The following PPP3CC variants were observed in gnomAD, a reference collection of about 807,000 sequenced individuals.
The protein encoded by PPP3CC is protein phosphatase 3 catalytic subunit gamma.
PPP3CC carries 35 observed loss-of-function variants against 60.3 expected under a neutral mutation model. The ratio of observed to expected loss-of-function variants is 0.58; its 90% CI spans 0.44 to 0.77. The LOEUF (loss-of-function observed/expected upper bound fraction) is 0.77, where lower values mean the gene tolerates loss of function less well. Among genes scored for constraint, PPP3CC ranks in the 30% least tolerant of loss-of-function variants. PPP3CC has a pLI of 0.00. For synonymous variants in PPP3CC, 206 were observed against 224.3 expected (o/e 0.92, Z 0.73); for missense variants, 570 against 628.9 (o/e 0.91, Z 1.00).
intron 9 of PPP3CC, 68 bp from the exon 10 acceptor site, chr8:22,528,438 T>A: frequency 1.9e-6 from 2 of 1,033,710 alleles, no homozygotes; most frequent in Non-Finnish European, 2.8e-6. Context: ...TTTATTTAGA[T>A]ATCCACATTA....
At chr8:22,467,164 A>G (rs1276279939) in intron 1 of PPP3CC, among the ~76,000 whole-genome samples, 1 of 152,190 alleles carries the variant, frequency 6.6e-6, no homozygotes, top group Non-Finnish European at 1.5e-5. Context: ...ATTATGATCT[A>G]AGTAAATTAT....
intron 1 of PPP3CC, among the ~76,000 whole-genome samples, chr8:22,469,237 C>G (rs1035334679): frequency 3.3e-5 from 5 of 151,866 alleles, no homozygotes; most frequent in African/African-American, 1.2e-4. Context: ...AAGCTAGGCA[C>G]AAAAAGACAA....
intron 3 of PPP3CC, among the ~76,000 whole-genome samples, chr8:22,482,640 G>A (rs1838103800): frequency 6.6e-6 from 1 of 152,058 alleles, no homozygotes; most frequent in African/African-American, 2.4e-5. Context: ...GCATATAAAA[G>A]TTTTGTTTTT....
At chr8:22,463,170 A>T (rs999135778) in intron 1 of PPP3CC, among the ~76,000 whole-genome samples, 1 of 152,200 alleles carries the variant, frequency 6.6e-6, no homozygotes, top group African/African-American at 2.4e-5. Flanking sequence ...GGACAAAATC[A>T]TGCAAGTCTG....
Position 22,492,920 on chromosome 8 carries a change from C to T in PPP3CC, c.373-5081C>T, listed in dbSNP as rs1245172585. On this transcript the variant is annotated intron_variant, in intron 3 of 13. Coordinates refer to ENST00000240139, the MANE Select transcript of PPP3CC (RefSeq NM_005605.5). ...AGCTGATGGAAATGCTACCCAGCAT[C>T]TTAAACCAGCTTGGTGCACACTGTC... 9 of 1,227,096 alleles carry T rather than the reference C, an allele frequency of 7.3e-6. No homozygotes were observed. The Admixed American group carries it at 1.5e-4, about 21-fold the overall frequency. The allele number at this position is 1,227,096 out of a possible 1,614,324, so 76.0% of individuals were successfully genotyped here.
At chr8:22,486,255 A>T (rs1838221174) in intron 3 of PPP3CC, among the ~76,000 whole-genome samples, 1 of 152,068 alleles carries the variant, frequency 6.6e-6, no homozygotes, top group Non-Finnish European at 1.5e-5. Context: ...TATTTTATTC[A>T]GATAGATGGG....
intron 12 of PPP3CC, among the ~76,000 whole-genome samples, chr8:22,537,175 A>G (rs978057493): frequency 1.3e-5 from 2 of 152,248 alleles, no homozygotes; most frequent in African/African-American, 4.8e-5. Flanking sequence ...TTCAAATCAT[A>G]TATCTCCTAA....
At chr8:22,516,291 A>G (rs920181405) in intron 6 of PPP3CC, among the ~76,000 whole-genome samples, 16 of 152,330 alleles carry the variant, frequency 1.1e-4, no homozygotes, top group African/African-American at 3.4e-4. Flanking sequence ...ATGTGATGAA[A>G]TCATTTAACT....
intron 6 of PPP3CC, among the ~76,000 whole-genome samples, chr8:22,514,236 A>G (rs1298312582): frequency 7.2e-6 from 1 of 138,456 alleles, no homozygotes; most frequent in Non-Finnish European, 1.5e-5. Flanking sequence ...CAACAGAGCA[A>G]GACTCTGTCT....
intron 4 of PPP3CC, among the ~76,000 whole-genome samples, chr8:22,503,145 G>C (rs1252867760): frequency 6.6e-6 from 1 of 152,128 alleles, no homozygotes; most frequent in Non-Finnish European, 1.5e-5. Flanking sequence ...CATTTGAAAA[G>C]CTTTGTAAGC....
chr8:22,514,248 CAAAAAAAA>C (rs66505760), intron 6 of PPP3CC, among the ~76,000 whole-genome samples: 3 of 89,488 alleles, frequency 3.4e-5, no homozygotes, highest in African/African-American at 4.4e-5. Context: ...ACTCTGTCTC[CAAAAAAAA>C]AAAAAAAAAA....
chr8:22,513,884 T>A (rs368930361), intron 6 of PPP3CC, among the ~76,000 whole-genome samples: 1 of 152,312 alleles, frequency 6.6e-6, no homozygotes, highest in East Asian at 1.9e-4. Context: ...CTAAGCCCAG[T>A]ACATTTCCTG....
At chr8:22,445,844 C>T (rs913333903) in intron 1 of PPP3CC, among the ~76,000 whole-genome samples, 2 of 152,198 alleles carry the variant, frequency 1.3e-5, no homozygotes, top group African/African-American at 4.8e-5. Context: ...GATTAACAAG[C>T]TGCCAAACTT....
At chr8:22,516,278 C>T (rs974343002) in intron 6 of PPP3CC, among the ~76,000 whole-genome samples, 5 of 152,148 alleles carry the variant, frequency 3.3e-5, no homozygotes, top group Admixed American at 3.3e-4. Context: ...TTTCCAGTGA[C>T]TAATGTGATG....
chr8:22,503,390 C>G (rs943714691), intron 4 of PPP3CC, among the ~76,000 whole-genome samples: 1 of 152,078 alleles, frequency 6.6e-6, no homozygotes, highest in African/African-American at 2.4e-5. Context: ...ATGTAATACT[C>G]GATAAAAGCT....
chr8:22,506,899 G>A (rs1049283009), intron 4 of PPP3CC, among the ~76,000 whole-genome samples: 8 of 151,642 alleles, frequency 5.3e-5, no homozygotes, highest in East Asian at 3.9e-4. Context: ...CCGAGATTGC[G>A]CCACTGCACT....
In PPP3CC at chr8:22,540,731, A is replaced by G. The variant is rs148030191; in HGVS notation, c.1468A>G (p.Met490Val). The G allele has an allele frequency of 5.2e-5, 84 of 1,614,156 alleles. No individual in the cohort carries two copies. The highest frequency in any genetic ancestry group is 1.7e-4 in the Middle Eastern group (1 of 6,060). ...RKDSIHAGGP[M>V]KSVTSAHSHA... ...GGATAGCATACACGCTGGTGGGCCAATGAAATCTGTAACCTCAGCACACTC... is the reference window on the plus strand; with the variant it reads ...GGATAGCATACACGCTGGTGGGCCAGTGAAATCTGTAACCTCAGCACACTC... The change falls in exon 14 of 14, where the codon ATG becomes GTG. Residue 490 changes from methionine (M) to valine (V), a missense_variant. Transcript: ENST00000240139.
At chr8:22,531,468 T>G (rs1839714498) in intron 10 of PPP3CC, 1 of 855,182 alleles carries the variant, frequency 1.2e-6, no homozygotes, top group Non-Finnish European at 1.8e-6. Context: ...ATATGTTTTC[T>G]CTGGACCTGT....
chr8:22,531,882 G>C lies in PPP3CC; in HGVS notation c.1142-343G>C, dbSNP rs28410449. Among the ~76,000 whole-genome samples, 903 of 152,334 alleles carry C rather than the reference G, an allele frequency of 5.9e-3. 11 individuals carry two copies. The highest frequency in any genetic ancestry group is 0.021 in the African/African-American group (873 of 41,586). On this transcript the variant is annotated intron_variant, in intron 10 of 13. Transcript: ENST00000240139. ...AGCATTATCAAAAGACATCTTTGCT[G>C]TAGCAGCTTTCTTTGTGAGGTTTGT...
Sources: allele counts gnomAD v4.1 joint callset (sites outside exome capture counted in the v4.1 genomes callset), GRCh38; gene constraint gnomAD v4.1.1; transcripts MANE v1.5; gene names NCBI Gene and HGNC (gene_info 2026-07-23, HGNC 2026-07-21).